Variants in CREBZF observed in about 807,000 individuals in gnomAD.
CREBZF encodes the protein CREB/ATF bZIP transcription factor, also known as HCF-binding transcription factor Zhangfei.
Under a neutral mutation model 21.1 loss-of-function variants are expected in CREBZF, and 8 were observed. That is an observed-to-expected ratio of 0.38 (90% confidence interval 0.22 to 0.68). The LOEUF (loss-of-function observed/expected upper bound fraction) is 0.68. CREBZF is among the 30% of genes least tolerant of loss of function. The probability of loss-of-function intolerance (pLI) is 0.51; values close to 1 mark genes in which losing one functional copy is unlikely to be tolerated. For missense variants in CREBZF, 518 were observed against 484.3 expected, an observed-to-expected ratio of 1.07 and a Z score of -0.65; for synonymous variants, 270 against 223.3, an observed-to-expected ratio of 1.21 and a Z score of -1.86.
intron 1 of CREBZF, among the ~76,000 whole-genome samples, chr11:85,676,171 G>A (rs892192481): frequency 2.6e-5 from 4 of 152,298 alleles, no homozygotes; most frequent in African/African-American, 4.8e-5. Context: ...CTCAAGTTGA[G>A]AATTGCTGCT....
Position 85,663,446 on chromosome 11 carries a change from C to A in CREBZF, c.*365G>T. ...CAGAAAAAAAAAAAAAAATCACACA[C>A]ACACAAACTGAGATGTTGCCCATTA... On this transcript the variant is annotated 3_prime_UTR_variant, in exon 1 of 1. Transcript: ENST00000527447. 1.4e-6 allele frequency: 1 copy of A among 720,978 alleles called. No homozygotes were observed. Among genetic ancestry groups the A allele is most frequent in the Non-Finnish European group, 2.5e-6 (1 of 405,364 alleles). The allele number at this position is 720,978 out of a possible 1,614,324, so 44.7% of individuals were successfully genotyped here.
At chr11:85,682,751 G>A in exon 1 of CREBZF, 1 of 699,854 alleles carries the variant, frequency 1.4e-6, no homozygotes, top group South Asian at 1.5e-5. Context: ...AGAACCGTCC[G>A]GCCTCTGCCC....
intron 1 of CREBZF, among the ~76,000 whole-genome samples, chr11:85,676,962 TTTTC>T (rs1483883813): frequency 2.9e-5 from 4 of 136,476 alleles, no homozygotes; most frequent in Admixed American, 7.4e-5. Flanking sequence ...ATTTTTTTCT[TTTTC>T]TGTCTTTTTT....
chr11:85,679,368 C>T (rs1188354245), intron 1 of CREBZF, among the ~76,000 whole-genome samples: 2 of 152,180 alleles, frequency 1.3e-5, no homozygotes. Context: ...ATCTTGCTCA[C>T]ATTGTATCCT....
At chr11:85,673,516 C>A (rs1350447670) in intron 1 of CREBZF, among the ~76,000 whole-genome samples, 1 of 152,198 alleles carries the variant, frequency 6.6e-6, no homozygotes, top group Non-Finnish European at 1.5e-5. Context: ...AAAATGCTAA[C>A]CATCATCTGA....
At chr11:85,677,933 C>T (rs1360551525) in intron 1 of CREBZF, among the ~76,000 whole-genome samples, 1 of 152,198 alleles carries the variant, frequency 6.6e-6, no homozygotes, top group African/African-American at 2.4e-5. Context: ...AAGCAACTTT[C>T]ATTACTTAGG....
Position 85,659,988 on chromosome 11 carries a change from A to G in CREBZF, c.*3823T>C, listed in dbSNP as rs867556822. Reference sequence around the variant, plus strand: ...CTAAATTGTAATTAACTACCCACACATTTAATCATAATCAACTTTTTCAAA... The same window carrying G: ...CTAAATTGTAATTAACTACCCACACGTTTAATCATAATCAACTTTTTCAAA... On this transcript the variant is annotated 3_prime_UTR_variant, in exon 1 of 1. Transcript: ENST00000527447. 1 of 152,130 alleles carries G rather than the reference A, an allele frequency of 6.6e-6. No individual in the cohort carries two copies. Among genetic ancestry groups the G allele is most frequent in the South Asian group, 2.1e-4 (1 of 4,834 alleles). The allele number at this position is 152,130 out of a possible 1,614,324, so 9.4% of individuals were successfully genotyped here. A position where few individuals can be genotyped will look rare whatever the true frequency, so the allele number is the denominator to read the frequency against.
intron 1 of CREBZF, among the ~76,000 whole-genome samples, chr11:85,673,809 T>C (rs2082927361): frequency 6.6e-6 from 1 of 152,232 alleles, no homozygotes; most frequent in Non-Finnish European, 1.5e-5. Context: ...GTTTATGTAA[T>C]ATTCTAAATC....
intron 1 of CREBZF, among the ~76,000 whole-genome samples, chr11:85,677,432 T>C (rs920193371): frequency 6.6e-6 from 1 of 152,246 alleles, no homozygotes; most frequent in Non-Finnish European, 1.5e-5. Context: ...TTGGTTGTTA[T>C]GTCTCTTAAA....
chr11:85,658,942 G>C lies in CREBZF; in HGVS notation c.*4869C>G, dbSNP rs2082594325. On this transcript the variant is annotated 3_prime_UTR_variant, in exon 1 of 1. Transcript: ENST00000527447. ...CAATTTTGGGTCAACAAAAAGTATG[G>C]AATATTTTAAGACAATAAAGAGTGA... is the stretch of plus-strand genomic sequence containing the variant. 6.6e-6 allele frequency among the ~76,000 whole-genome samples: 1 copy of C among 152,008 alleles called. No individual in the cohort carries two copies. The highest frequency in any genetic ancestry group is 1.5e-5 in the Non-Finnish European group (1 of 67,920).
chr11:85,664,678 C>G lies in CREBZF; in HGVS notation c.198G>C (p.Gly66=). The part of the protein sequence containing the change: ...QFGDEGELEA[G]RGSRGGVAVR... ...CGGCCACGCCGCCGCGGCTCCCCCT[C>G]CCGGCTTCCAACTCTCCTTCGTCGC... Residue 66 remains glycine (G), a synonymous_variant, in exon 1 of 1, where the codon GGG becomes GGC. Coordinates refer to ENST00000527447, the MANE Select transcript of CREBZF (RefSeq NM_001039618.4). The surrounding 1 kb of genome is among the most constrained non-coding windows in gnomAD (Gnocchi z 5.5). The G allele has an allele frequency of 1.2e-6, 2 of 1,603,470 alleles. No homozygotes were observed. The highest frequency in any genetic ancestry group is 1.1e-5 in the South Asian group (1 of 90,212).
rs373646073 is a variant in CREBZF, at chr11:85,664,300, T to G, written c.576A>C (p.Gly192=). The change falls in exon 1 of 1, where the codon GGA becomes GGC. Residue 192 remains glycine (G), a synonymous_variant. Coordinates refer to ENST00000527447, the MANE Select transcript of CREBZF (RefSeq NM_001039618.4). This position sits in a 1 kb window ranked among gnomAD's most constrained non-coding sequence, Gnocchi z 5.5. ...AEKRRRKSPG[G]GGGGGSGNDN... ...CGTTACCGCTGCCGCCACCGCCGCC[T>G]CCTCCTGGGGACTTTCTCCGCCTCT... 4.0e-5 allele frequency: 64 copies of G among 1,612,016 alleles called. No homozygotes were observed. In the African/African-American group the frequency reaches 7.7e-4, roughly 20 times the overall value.
chr11:85,665,266 A>G (rs1036943772), upstream of CREBZF, among the ~76,000 whole-genome samples: 1 of 152,226 alleles, frequency 6.6e-6, no homozygotes, highest in Non-Finnish European at 1.5e-5. Flanking sequence ...AAAAATAACA[A>G]GTCTCTAGAT....
intron 1 of CREBZF, among the ~76,000 whole-genome samples, chr11:85,677,864 G>T (rs559471404): frequency 6.6e-6 from 1 of 152,202 alleles, no homozygotes; most frequent in Admixed American, 6.5e-5. Context: ...TTCAGTCAAG[G>T]TTACAACACA....
chr11:85,659,382 T>C lies in CREBZF; in HGVS notation c.*4429A>G, dbSNP rs772598374. On this transcript the variant is annotated 3_prime_UTR_variant, in exon 1 of 1. Coordinates refer to ENST00000527447, the MANE Select transcript of CREBZF (RefSeq NM_001039618.4). ...AGTAGTAGTTAAGGTCACCAAATAA[T>C]GTTGGTGCCTTTGGTTCTGGAATTA... Among the ~76,000 whole-genome samples, 8 of 152,174 alleles carry C rather than the reference T, an allele frequency of 5.3e-5. No individual in the cohort carries two copies. The highest frequency in any genetic ancestry group is 1.0e-4 in the Non-Finnish European group (7 of 67,922).
chr11:85,664,770 T>C lies in CREBZF; in HGVS notation c.106A>G (p.Thr36Ala). The change falls in exon 1 of 1, where the codon ACC becomes GCC. Residue 36 changes from threonine (T) to alanine (A), a missense_variant. Thr to Ala is a moderately conservative substitution (Grantham distance 58). Transcript: ENST00000527447. The surrounding 1 kb of genome is among the most constrained non-coding windows in gnomAD (Gnocchi z 5.5). ...AATCSLPSDL[T>A]RAAAGEEETA... is the part of the protein sequence containing the mutation. ...TCCTCCTCCCCCGCTGCAGCCCGGG[T>C]CAGGTCAGAGGGCAGCGAACAAGTT... The C allele has an allele frequency of 1.2e-6, 2 of 1,606,312 alleles. No homozygotes were observed. The highest frequency in any genetic ancestry group is 2.2e-5 in the South Asian group (2 of 90,636).
chr11:85,676,988 G>A (rs1416583549), intron 1 of CREBZF, among the ~76,000 whole-genome samples: 1 of 61,706 alleles, frequency 1.6e-5, no homozygotes, highest in Non-Finnish European at 3.0e-5. Flanking sequence ...TTTTGAGACA[G>A]AATGTCACTC....
chr11:85,664,427 T>A lies in CREBZF; in HGVS notation c.449A>T (p.Glu150Val). The stretch of plus-strand genomic sequence containing the variant: ...GCGCTGCATTTCAGCAGCCGCGGCC[T>A]CATCGTCATCGTCCCCTCTCCACAG... ...GGLWRGDDDD[E>V]AAAAEMQRFS... Residue 150 changes from glutamate to valine, a missense_variant, in exon 1 of 1, where the codon GAG (glutamate) becomes GTG (valine). Around this residue, in one of 3 missense-constraint regions of CREBZF, gnomAD observed 396 missense variants for 324.4 expected, o/e 1.22. Transcript: ENST00000527447. This position sits in a 1 kb window ranked among gnomAD's most constrained non-coding sequence, Gnocchi z 5.5. The A allele has an allele frequency of 6.2e-7, 1 of 1,613,742 alleles. No individual in the cohort carries two copies. Among genetic ancestry groups the A allele is most frequent in the Non-Finnish European group, 8.5e-7 (1 of 1,179,998 alleles).
chr11:85,666,945 C>T (rs1431051003), upstream of CREBZF, among the ~76,000 whole-genome samples: 2 of 152,206 alleles, frequency 1.3e-5, no homozygotes, highest in Non-Finnish European at 2.9e-5. Context: ...TATACTCTGG[C>T]CTCCCTTGAG....
Sources: gnomAD v4.1 joint callset for allele counts (sites outside exome capture counted in the v4.1 genomes callset) on GRCh38, gnomAD v4.1.1 for gene constraint, gnomAD v4.1.1 regional missense constraint, Gnocchi (gnomAD v3.1) non-coding constraint, MANE v1.5 for transcripts, NCBI Gene and HGNC (gene_info 2026-07-23, HGNC 2026-07-21) for gene names.